Variants in DNASE2B observed in about 807,000 individuals in gnomAD.
DNASE2B encodes the protein deoxyribonuclease-2-beta.
In DNASE2B, 43 loss-of-function variants were observed where a neutral mutation model predicts 46.0. The observed-to-expected ratio is 0.94, with a 90% CI of 0.73 to 1.21. The LOEUF is 1.21. Among genes scored for constraint, DNASE2B ranks in the 50% most tolerant of loss-of-function variants. DNASE2B has a pLI of 0.00. For synonymous variants in DNASE2B, 156 were observed against 152.5 expected (o/e 1.02, Z -0.17); for missense variants, 395 against 414.4 (o/e 0.95, Z 0.41).
chr1:84,401,027 T>C (rs992338951), intron 1 of DNASE2B, among the ~76,000 whole-genome samples: 3 of 152,288 alleles, frequency 2.0e-5, no homozygotes, highest in South Asian at 2.1e-4. Context: ...TAATAGTGTA[T>C]ATATTATAAT....
At position 84,408,441 on chromosome 1, in the gene DNASE2B, AC is replaced by A; in HGVS notation, c.309del (p.Asn103LysfsTer6). On this transcript the variant is annotated frameshift_variant, in exon 3 of 6. Coordinates refer to ENST00000370665, the MANE Select transcript of DNASE2B (RefSeq NM_021233.3). LOFTEE classifies it high-confidence loss of function. Reference protein sequence around the residue: ...QLYEAYASKSNNTAYLIYNDG... With the variant: ...QLYEAYASKSXNTAYLIYNDG... ...AACCCTAATATATTCCTGCAGAGTAACAACACAGCCTATCTAATATACAATG... is the reference window on the plus strand; with the variant it reads ...AACCCTAATATATTCCTGCAGAGTAAAACACAGCCTATCTAATATACAATG... 6 of 1,606,868 alleles carry A rather than the reference AC, an allele frequency of 3.7e-6. No homozygotes were observed. Among genetic ancestry groups the A allele is most frequent in the Non-Finnish European group, 5.1e-6 (6 of 1,176,492 alleles).
intron 2 of DNASE2B, among the ~76,000 whole-genome samples, chr1:84,406,015 A>T (rs529078217): frequency 5.9e-5 from 9 of 152,212 alleles, no homozygotes; most frequent in African/African-American, 2.2e-4. Context: ...TTCATAATGT[A>T]TCTAACTTTT....
At chr1:84,405,886 T>C (rs1188772684) in intron 2 of DNASE2B, among the ~76,000 whole-genome samples, 2 of 152,230 alleles carry the variant, frequency 1.3e-5, no homozygotes, top group Non-Finnish European at 2.9e-5. Context: ...AATGGCACCA[T>C]GTTTGGTCTA....
In DNASE2B at chr1:84,412,437, G is replaced by C; in HGVS notation, c.636G>C (p.Leu212=). ...FHQELIHMPQ[L]CTRASSSEIP... ...AGGAGCTCATTCACATGCCCCAGCT[G>C]TGCACCAGGGCCAGCTCATCAGAGA... Residue 212 remains leucine, a synonymous_variant, in exon 5 of 6, where the codon CTG becomes CTC. Transcript: ENST00000370665. The C allele has an allele frequency of 3.1e-6, 5 of 1,613,778 alleles. No individual in the cohort carries two copies. Among genetic ancestry groups the C allele is most frequent in the Non-Finnish European group, 4.2e-6 (5 of 1,179,834 alleles).
chr1:84,413,914 C>G (rs1453296878), intron 5 of DNASE2B, among the ~76,000 whole-genome samples: 1 of 152,226 alleles, frequency 6.6e-6, no homozygotes, highest in East Asian at 1.9e-4. Flanking sequence ...CAAATTCAGT[C>G]AGTTCCAGAT....
intron 2 of DNASE2B, among the ~76,000 whole-genome samples, chr1:84,402,868 A>G (rs1350486176): frequency 6.6e-6 from 1 of 152,228 alleles, no homozygotes; most frequent in East Asian, 1.9e-4. Flanking sequence ...CTCTGCTCCT[A>G]TAATATGCTG....
chr1:84,411,598 T>G (rs1680600054), intron 4 of DNASE2B, among the ~76,000 whole-genome samples: 1 of 152,178 alleles, frequency 6.6e-6, no homozygotes, highest in African/African-American at 2.4e-5. Flanking sequence ...ATGACACCTC[T>G]GAGCCAGATA....
rs1424053068 is a variant in DNASE2B, at chr1:84,402,294, TG to T, written c.303+218del. 3.3e-5 allele frequency among the ~76,000 whole-genome samples: 5 copies of T among 152,302 alleles called. No homozygotes were observed. The East Asian group carries it at 5.8e-4, about 18-fold the overall frequency. ...ACTCTACAGCAATGCCAAATTTACTTGGCACCATGTCCAGTGGTGTCACTAG... is the reference window on the plus strand; with the variant it reads ...ACTCTACAGCAATGCCAAATTTACTTGCACCATGTCCAGTGGTGTCACTAG... On this transcript the variant is annotated intron_variant, in intron 2 of 5. Transcript: ENST00000370665.
At chr1:84,403,629 T>C (rs1680454773) in intron 2 of DNASE2B, among the ~76,000 whole-genome samples, 1 of 152,122 alleles carries the variant, frequency 6.6e-6, no homozygotes, top group Non-Finnish European at 1.5e-5. Context: ...ATACTCAGTG[T>C]AACTTTCACA....
chr1:84,398,517 C>CA lies in DNASE2B; in HGVS notation c.-47dup. ...CACAGCCTGAGAGCGCCTTGAAACT[C>CA]AGACTCCACAATCTATGGGGAAAGT... On this transcript the variant is annotated 5_prime_UTR_variant, in exon 1 of 6. Coordinates refer to ENST00000370665, the MANE Select transcript of DNASE2B (RefSeq NM_021233.3). 2.5e-6 allele frequency: 4 copies of CA among 1,606,160 alleles called. No homozygotes were observed. The African/African-American group carries it at 5.3e-5, about 21-fold the overall frequency.
chr1:84,406,266 T>C (rs1195606212), intron 2 of DNASE2B, among the ~76,000 whole-genome samples: 2 of 152,156 alleles, frequency 1.3e-5, no homozygotes, highest in African/African-American at 4.8e-5. Flanking sequence ...GGGAAAATAA[T>C]GCCTACATTG....
chr1:84,409,925 A>G (rs970030735), intron 3 of DNASE2B, among the ~76,000 whole-genome samples: 4 of 152,204 alleles, frequency 2.6e-5, no homozygotes, highest in African/African-American at 4.8e-5. Flanking sequence ...AGAACTTTCA[A>G]TATTTTCCAC....
chr1:84,405,650 G>T (rs1680481153), intron 2 of DNASE2B, among the ~76,000 whole-genome samples: 1 of 152,194 alleles, frequency 6.6e-6, no homozygotes, highest in African/African-American at 2.4e-5. Context: ...AGCTGTGAGA[G>T]ATCACTTTTG....
intron 5 of DNASE2B, among the ~76,000 whole-genome samples, chr1:84,412,754 G>A (rs761071505): frequency 2.0e-5 from 3 of 151,768 alleles, no homozygotes; most frequent in Non-Finnish European, 4.4e-5. Flanking sequence ...ATCCAGCCAC[G>A]GGCCAGTGAA....
chr1:84,400,138 GC>G (rs765429264), intron 1 of DNASE2B, among the ~76,000 whole-genome samples: 4 of 152,180 alleles, frequency 2.6e-5, no homozygotes, highest in Non-Finnish European at 5.9e-5. Flanking sequence ...GGAGGCCTAG[GC>G]AGACAGATCA....
At chr1:84,403,381 T>A (rs1680452313) in intron 2 of DNASE2B, among the ~76,000 whole-genome samples, 2 of 152,226 alleles carry the variant, frequency 1.3e-5, no homozygotes, top group East Asian at 3.8e-4. Context: ...TATACTATAT[T>A]CTTACAATAA....
chr1:84,406,220 A>G (rs2101849872), intron 2 of DNASE2B, among the ~76,000 whole-genome samples: 1 of 152,264 alleles, frequency 6.6e-6, no homozygotes, highest in South Asian at 2.1e-4. Context: ...TCTGCTTTCC[A>G]GGTTGGGGAT....
At position 84,414,851 on chromosome 1, in the gene DNASE2B, T is replaced by C. The variant is rs1196729561; in HGVS notation, c.1069T>C (p.Tyr357His). The change falls in exon 6 of 6, where the codon TAT (tyrosine) becomes CAT (histidine). Residue 357 changes from tyrosine (Y) to histidine (H), a missense_variant. By Grantham distance (83) the Tyr-to-His change is moderately conservative. Coordinates refer to ENST00000370665, the MANE Select transcript of DNASE2B (RefSeq NM_021233.3). ...AGCATTTCAAGGATTAGTATTATAC[T>C]ATGAAAGCTGTAAGTAAACTTGGTG... ...YQAFQGLVLY[Y>H]ESCK The C allele has an allele frequency of 1.2e-6, 2 of 1,607,698 alleles. No individual in the cohort carries two copies. The highest frequency in any genetic ancestry group is 1.3e-5 in the African/African-American group (1 of 74,760).
rs748231494 is a variant in DNASE2B at position 84,410,344 on chromosome 1, C to T, written c.386-494C>T. Among the ~76,000 whole-genome samples, 6 of 152,130 alleles carry T rather than the reference C, an allele frequency of 3.9e-5. 1 individual carries two copies. Among genetic ancestry groups the T allele is most frequent in the Non-Finnish European group, 8.8e-5 (6 of 68,022 alleles). ...TTTATTGGGCTTGTAGAAATAGTGACTCTTCTGCCAATAAATGGGCAGCAG... is the reference window on the plus strand; with the variant it reads ...TTTATTGGGCTTGTAGAAATAGTGATTCTTCTGCCAATAAATGGGCAGCAG... On this transcript the variant is annotated intron_variant, in intron 3 of 5. Transcript: ENST00000370665.
Sources: allele counts gnomAD v4.1 joint callset (sites outside exome capture counted in the v4.1 genomes callset), GRCh38; gene constraint gnomAD v4.1.1; transcripts MANE v1.5; gene names NCBI Gene and HGNC (gene_info 2026-07-23, HGNC 2026-07-21).